ULK3: variants seen among roughly 807,000 people sequenced by gnomAD.
The protein encoded by ULK3 is unc-51 like kinase 3.
Under a neutral mutation model 69.4 loss-of-function variants are expected in ULK3, and 54 were observed. That is an observed-to-expected ratio of 0.78 (90% CI 0.63 to 0.98). The LOEUF is 0.98. ULK3 is among the 50% of genes least tolerant of loss of function. The pLI, the probability that ULK3 is intolerant of heterozygous loss-of-function variation, is 0.00. For synonymous variants in ULK3, 240 were observed against 254.5 expected, an observed-to-expected ratio of 0.94 and a Z score of 0.54; for missense variants, 558 against 627.7, an observed-to-expected ratio of 0.89 and a Z score of 1.19.
chr15:74,838,761 G>A lies in ULK3; in HGVS notation c.1000-16C>T, dbSNP rs2064127226. On this transcript the variant is annotated splice_polypyrimidine_tract_variant and intron_variant, in intron 9 of 15. Transcript: ENST00000440863. ...ACTGCCCCACCTGTAGCAGGGAAAGGGCCTGAGGAGGGGCTGTCTCACCAG... is the reference window on the plus strand; with the variant it reads ...ACTGCCCCACCTGTAGCAGGGAAAGAGCCTGAGGAGGGGCTGTCTCACCAG... 1 of 1,583,642 alleles carries A rather than the reference G, an allele frequency of 6.3e-7. No homozygotes were observed. Among genetic ancestry groups the A allele is most frequent in the African/African-American group, 1.3e-5 (1 of 74,172 alleles).
chr15:74,837,094 TG>T lies in ULK3; in HGVS notation c.*133del. On this transcript the variant is annotated 3_prime_UTR_variant, in exon 16 of 16. Coordinates refer to ENST00000440863, the MANE Select transcript of ULK3 (RefSeq NM_001099436.4). Reference sequence around the variant, plus strand: ...GAGGGAGGCTGGGGACTCTGGGATATGGGGGTCTCAGCACTGTCCATCCAAG... The same window carrying T: ...GAGGGAGGCTGGGGACTCTGGGATATGGGGTCTCAGCACTGTCCATCCAAG... 1 of 1,238,980 alleles carries T rather than the reference TG, an allele frequency of 8.1e-7. No individual in the cohort carries two copies. The highest frequency in any genetic ancestry group is 1.1e-6 in the Non-Finnish European group (1 of 912,258). 76.7% of individuals were successfully genotyped at this position (1,238,980 alleles called of 1,614,324 possible).
chr15:74,842,722 C>T lies in ULK3; in HGVS notation c.102+282G>A, dbSNP rs2064306830. 6.6e-7 allele frequency: 1 copy of T among 1,521,836 alleles called. No individual in the cohort carries two copies. The highest frequency in any genetic ancestry group is 8.8e-7 in the Non-Finnish European group (1 of 1,136,070). The allele number at this position is 1,521,836 out of a possible 1,614,324, so 94.3% of individuals were successfully genotyped here. On this transcript the variant is annotated intron_variant, in intron 1 of 15. Coordinates refer to ENST00000440863, the MANE Select transcript of ULK3 (RefSeq NM_001099436.4). This position sits in a 1 kb window ranked among gnomAD's most constrained non-coding sequence, Gnocchi z 4.9. ...ATGTCACTCAGGGTTCTAGAACCGC[C>T]CACTCTGCCTCCCAACTGGCTCCAG...
chr15:74,837,746 C>T lies in ULK3; in HGVS notation c.1335+5G>A, dbSNP rs1250389245. ...CTAGCCCCAGCGTGGCCCCCATGTG[C>T]CCACCTTGACCTGCTCCTTCAAGTA... is the stretch of plus-strand genomic sequence containing the variant. On this transcript the variant is annotated splice_donor_5th_base_variant and intron_variant, in intron 14 of 15. Transcript: ENST00000440863. 2.5e-6 allele frequency: 4 copies of T among 1,594,670 alleles called. No individual in the cohort carries two copies. The highest frequency in any genetic ancestry group is 3.5e-5 in the Admixed American group (2 of 57,268).
In ULK3 at chr15:74,839,725, G is replaced by A. The variant is rs1310929272; in HGVS notation, c.697-12C>T. The A allele has an allele frequency of 2.0e-6, 3 of 1,523,524 alleles. No homozygotes were observed. Among genetic ancestry groups the A allele is most frequent in the African/African-American group, 1.4e-5 (1 of 73,148 alleles). The allele number at this position is 1,523,524 out of a possible 1,614,324, so 94.4% of individuals were successfully genotyped here. A position where few individuals can be genotyped will look rare whatever the true frequency, so the allele number is the denominator to read the frequency against. On this transcript the variant is annotated splice_polypyrimidine_tract_variant and intron_variant, in intron 6 of 15. Transcript: ENST00000440863. ...GGCCGCAAGGGGAGCTGCAGGGAAG[G>A]GAACGGCAGGGACAGATCACACTGG...
chr15:74,840,207 T>G (rs879883654), intron 6 of ULK3, 27 bp downstream of exon 6: 2 of 1,590,568 alleles, frequency 1.3e-6, no homozygotes, highest in African/African-American at 1.3e-5. Context: ...TGCCCCCCAG[T>G]GGTCGCTAAG....
chr15:74,837,650 G>A, intron 14 of ULK3, 101 bp downstream of exon 14: 1 of 1,401,656 alleles, frequency 7.1e-7, no homozygotes, highest in Non-Finnish European at 9.8e-7. Context: ...TGCAGAGGAG[G>A]CGAGAGAGCA....
chr15:74,837,673 CA>C, intron 14 of ULK3, 77 bp downstream of exon 14: 3 of 1,437,664 alleles, frequency 2.1e-6, no homozygotes, highest in South Asian at 1.2e-5. Context: ...CATACACCAG[CA>C]GGGGGGGACG....
intron 9 of ULK3, 24 bp from the exon 10 acceptor site, chr15:74,838,769 G>A: frequency 6.4e-7 from 1 of 1,574,784 alleles, no homozygotes; most frequent in Non-Finnish European, 8.7e-7. Context: ...AGGGCCTGAG[G>A]AGGGGCTGTC....
At position 74,839,006 on chromosome 15, in the gene ULK3, C is replaced by T; in HGVS notation, c.999+4G>A. ...CCCACTTCCTCATGGGGACTCTCAC[C>T]CACCTTTGCCTTAATTGCCTCCTTC... On this transcript the variant is annotated splice_donor_region_variant and intron_variant, in intron 9 of 15. Transcript: ENST00000440863. The T allele has an allele frequency of 6.2e-7, 1 of 1,602,266 alleles. No homozygotes were observed. Among genetic ancestry groups the T allele is most frequent in the Non-Finnish European group, 8.5e-7 (1 of 1,174,756 alleles).
At chr15:74,841,313 G>A in intron 4 of ULK3, 92 bp downstream of exon 4, 1 of 1,044,194 alleles carries the variant, frequency 9.6e-7, no homozygotes, top group Non-Finnish European at 1.4e-6. Context: ...CTCTATAGAG[G>A]GCTCCATAAG....
rs1234302890 is a variant in ULK3 at position 74,842,983 on chromosome 15, G to A, written c.102+21C>T. 2 of 1,544,290 alleles carry A rather than the reference G, an allele frequency of 1.3e-6. No homozygotes were observed. The highest frequency in any genetic ancestry group is 1.7e-6 in the Non-Finnish European group (2 of 1,144,336). On this transcript the variant is annotated intron_variant, in intron 1 of 15. Coordinates refer to ENST00000440863, the MANE Select transcript of ULK3 (RefSeq NM_001099436.4). The surrounding 1 kb of genome is among the most constrained non-coding windows in gnomAD (Gnocchi z 4.9). ...AGCCGAGCTAGCTCGGGCGGGCACG[G>A]GGCCATCGGCCGGCACCCACCTTGG...
At position 74,840,633 on chromosome 15, in the gene ULK3, A is replaced by C; in HGVS notation, c.478T>G (p.Phe160Val). ...KPHLKLADFG[F>V]AQHMSPWDEK... ...TCCCACGGGGACATGTGTTGTGCGAAACCAAAGTCTGCAGGCAAGAGGAGA... is the reference window on the plus strand; with the variant it reads ...TCCCACGGGGACATGTGTTGTGCGACACCAAAGTCTGCAGGCAAGAGGAGA... The change falls in exon 5 of 16, where the codon TTC (phenylalanine) becomes GTC (valine). Residue 160 changes from phenylalanine to valine, a missense_variant. By Grantham distance (50) the Phe-to-Val change is conservative (BLOSUM62 -1). Transcript: ENST00000440863. 1 of 1,566,226 alleles carries C rather than the reference A, an allele frequency of 6.4e-7. No homozygotes were observed. Among genetic ancestry groups the C allele is most frequent in the Non-Finnish European group, 8.6e-7 (1 of 1,158,792 alleles).
At position 74,841,433 on chromosome 15, in the gene ULK3, G is replaced by A; in HGVS notation, c.441C>T (p.Ser147=). 1.2e-6 allele frequency: 2 copies of A among 1,613,922 alleles called. No individual in the cohort carries two copies. Among genetic ancestry groups the A allele is most frequent in the South Asian group, 2.2e-5 (2 of 91,086 alleles). ...CCAGTTTTAGGTGGGGCTTCTCCAAGGAGCTCAGTAGAATGTTCTGTGGCT... is the reference window on the plus strand; with the variant it reads ...CCAGTTTTAGGTGGGGCTTCTCCAAAGAGCTCAGTAGAATGTTCTGTGGCT... The part of the protein sequence containing the change: ...DLKPQNILLS[S]LEKPHLKLAD... The change falls in exon 4 of 16, where the codon TCC becomes TCT. Residue 147 remains serine, a synonymous_variant. Transcript: ENST00000440863.
In ULK3 at chr15:74,837,831, G is replaced by A. The variant is rs1229243232; in HGVS notation, c.1288-33C>T. 8 of 1,567,484 alleles carry A rather than the reference G, an allele frequency of 5.1e-6. No individual in the cohort carries two copies. In the Admixed American group the frequency reaches 5.6e-5, roughly 11 times the overall value. ...GGAAAGATATGCCCTTGGGTGTGGG[G>A]GAGAGTGGCGGGGGGTGGGGTTTCA... On this transcript the variant is annotated intron_variant, in intron 13 of 15. Coordinates refer to ENST00000440863, the MANE Select transcript of ULK3 (RefSeq NM_001099436.4).
chr15:74,838,221 AG>A, intron 12 of ULK3, 29 bp from the exon 13 acceptor site: 1 of 1,567,198 alleles, frequency 6.4e-7, no homozygotes, highest in Non-Finnish European at 8.6e-7. Flanking sequence ...TGGTGAGGAC[AG>A]GGTGGCCAGA....
intron 3 of ULK3, 125 bp from the exon 4 acceptor site, chr15:74,841,634 T>C: frequency 1.3e-6 from 1 of 777,682 alleles, no homozygotes; most frequent in Non-Finnish European, 2.1e-6. Flanking sequence ...TGGTCTAATG[T>C]TTTCCATATA....
chr15:74,838,031 T>G (rs2064087990), intron 13 of ULK3, 121 bp downstream of exon 13: 2 of 1,452,106 alleles, frequency 1.4e-6, no homozygotes, highest in Non-Finnish European at 9.3e-7. Context: ...ATGGTTTGAC[T>G]TCCAGACTTG....
chr15:74,837,800 T>G lies in ULK3; in HGVS notation c.1288-2A>C. 6.3e-7 allele frequency: 1 copy of G among 1,586,860 alleles called. No individual in the cohort carries two copies. Among genetic ancestry groups the G allele is most frequent in the Non-Finnish European group, 8.6e-7 (1 of 1,166,726 alleles). ...AGCTCGGGCCATGAGGTTCTGAACC[T>G]GCCAAGGAAAGATATGCCCTTGGGT... is the stretch of plus-strand genomic sequence containing the variant. On this transcript the variant is annotated splice_acceptor_variant, in intron 13 of 15. Transcript: ENST00000440863. LOFTEE classifies it high-confidence loss of function.
chr15:74,840,994 C>T (rs2064226628), intron 4 of ULK3, among the ~76,000 whole-genome samples: 2 of 152,148 alleles, frequency 1.3e-5, no homozygotes, highest in African/African-American at 2.4e-5. Flanking sequence ...CCACCTCCTA[C>T]TCCCCCACCA....
Sources: allele counts gnomAD v4.1 joint callset (sites outside exome capture counted in the v4.1 genomes callset), GRCh38; gene constraint gnomAD v4.1.1; non-coding constraint Gnocchi (gnomAD v3.1); transcripts MANE v1.5; gene names NCBI Gene and HGNC (gene_info 2026-07-23, HGNC 2026-07-21).